HLTF: variants seen among roughly 807,000 people sequenced by gnomAD.
HLTF encodes the protein helicase like transcription factor.
In HLTF, 127 loss-of-function variants were observed where a neutral mutation model predicts 129.4. The ratio of observed to expected loss-of-function variants is 0.98; its 90% CI spans 0.85 to 1.14. HLTF has a LOEUF of 1.14. Ranked by LOEUF, HLTF falls within the 50% of genes most tolerant of loss-of-function variation. The pLI is 0.00. For synonymous variants in HLTF, 332 were observed against 388.8 expected, an observed-to-expected ratio of 0.85 and a Z score of 1.72; for missense variants, 1,139 against 1,187.1, an observed-to-expected ratio of 0.96 and a Z score of 0.60.
intron 2 of HLTF, among the ~76,000 whole-genome samples, chr3:149,076,928 TCAGTCCCATCCCCAG>T (rs1446773983): frequency 6.6e-6 from 1 of 152,108 alleles, no homozygotes; most frequent in Non-Finnish European, 1.5e-5. Flanking sequence ...TATCAGTACT[TCAGTCCCATCCCCAG>T]CAATCCTGTA....
Position 149,084,746 on chromosome 3 carries a change from ACTT to A in HLTF, c.161_163del (p.Glu54del), listed in dbSNP as rs1256672152. On this transcript the variant is annotated inframe_deletion, in exon 2 of 25. Transcript: ENST00000310053. Reference sequence around the variant, plus strand: ...CAAACTTCCAAATAAAACGGAATCTACTTCTTCATCACTAGTTAGAAAGTCATC... The same window carrying A: ...CAAACTTCCAAATAAAACGGAATCTACTTCATCACTAGTTAGAAAGTCATC... 52 of 1,613,926 alleles carry A rather than the reference ACTT, an allele frequency of 3.2e-5. No individual in the cohort carries two copies. Among genetic ancestry groups the A allele is most frequent in the Non-Finnish European group, 3.9e-5 (46 of 1,179,948 alleles).
chr3:149,069,580 T>C (rs1222881239), intron 7 of HLTF, among the ~76,000 whole-genome samples: 2 of 152,130 alleles, frequency 1.3e-5, no homozygotes, highest in Non-Finnish European at 1.5e-5. Context: ...TGTAGTGAAA[T>C]GGAAACTACA....
chr3:149,037,347 T>TAA (rs946319640), intron 23 of HLTF, among the ~76,000 whole-genome samples: 1 of 151,398 alleles, frequency 6.6e-6, no homozygotes, highest in Non-Finnish European at 1.5e-5. Context: ...CAGGTGCCTG[T>TAA]AATCCCAGCT....
intron 18 of HLTF, among the ~76,000 whole-genome samples, chr3:149,043,756 T>C (rs1716319986): frequency 6.6e-6 from 1 of 152,172 alleles, no homozygotes; most frequent in Non-Finnish European, 1.5e-5. Context: ...TGGTCATGAA[T>C]TCAAAACCTG....
intron 3 of HLTF, 87 bp from the exon 4 acceptor site, chr3:149,074,435 C>T: frequency 7.9e-7 from 1 of 1,271,350 alleles, no homozygotes; most frequent in South Asian, 1.8e-5. Context: ...TTAAGTGTAT[C>T]ATTTACATTT....
intron 7 of HLTF, 81 bp downstream of exon 7, chr3:149,071,171 T>A: frequency 1.2e-6 from 1 of 856,392 alleles, no homozygotes; most frequent in Non-Finnish European, 1.8e-6. Flanking sequence ...CATATTCCTA[T>A]CTCTTTTTAC....
chr3:149,035,018 G>A lies in HLTF; in HGVS notation c.2797-20C>T. 1.9e-6 allele frequency: 3 copies of A among 1,542,342 alleles called. No homozygotes were observed. Among genetic ancestry groups the A allele is most frequent in the Non-Finnish European group, 1.8e-6 (2 of 1,114,520 alleles). ...CCAGGCCTAACAAGAACATGGATGA[G>A]TTACTTTACTACTGCCCTGATCTTT... On this transcript the variant is annotated intron_variant, in intron 23 of 24. Transcript: ENST00000310053.
chr3:149,041,477 G>C lies in HLTF; in HGVS notation c.2376+13C>G, dbSNP rs560460855. On this transcript the variant is annotated intron_variant, in intron 20 of 24. Transcript: ENST00000310053. ...CTATCAAACACTGAACCTGTACTGA[G>C]CAAAAAACTAACCTGCTCATTCTGA... 6 of 1,605,494 alleles carry C rather than the reference G, an allele frequency of 3.7e-6. No homozygotes were observed. The African/African-American group carries it at 6.7e-5, about 18-fold the overall frequency.
At position 149,041,777 on chromosome 3, in the gene HLTF, T is replaced by A. The variant is rs1016452643; in HGVS notation, c.2198-109A>T. ...TGCCAGTAGGGAAAGTCTCTCATCA[T>A]TTTCTGCCATAGGCAAAAAGCATAA... On this transcript the variant is annotated intron_variant, in intron 19 of 24. Transcript: ENST00000310053. 18 of 739,806 alleles carry A rather than the reference T, an allele frequency of 2.4e-5. No homozygotes were observed. In the East Asian group the frequency reaches 4.3e-4, roughly 18 times the overall value. 45.8% of individuals were successfully genotyped at this position (739,806 alleles called of 1,614,324 possible). A position where few individuals can be genotyped will look rare whatever the true frequency, so the allele number is the denominator to read the frequency against.
At chr3:149,068,574 G>C (rs1252915817) in intron 7 of HLTF, among the ~76,000 whole-genome samples, 1 of 152,130 alleles carries the variant, frequency 6.6e-6, no homozygotes, top group Non-Finnish European at 1.5e-5. Flanking sequence ...TCTGAGAAGT[G>C]TCATTTTATT....
chr3:149,036,757 G>GA (rs1001689873), intron 23 of HLTF, among the ~76,000 whole-genome samples: 22 of 150,768 alleles, frequency 1.5e-4, no homozygotes, highest in African/African-American at 4.1e-4. Flanking sequence ...CTTAAAAAAA[G>GA]AAAAAAAAAT....
chr3:149,084,079 T>C (rs754115498), intron 2 of HLTF, among the ~76,000 whole-genome samples: 2 of 152,158 alleles, frequency 1.3e-5, no homozygotes, highest in African/African-American at 2.4e-5. Context: ...TGTCATTAAG[T>C]CCTTCATAAC....
chr3:149,042,357 C>A, intron 18 of HLTF, 67 bp from the exon 19 acceptor site: 1 of 1,360,294 alleles, frequency 7.4e-7, no homozygotes, highest in Non-Finnish European at 1.0e-6. Flanking sequence ...TCTAAAACAG[C>A]AGAGTAAAAT....
At chr3:149,077,275 T>G (rs1719454753) in intron 2 of HLTF, among the ~76,000 whole-genome samples, 1 of 150,128 alleles carries the variant, frequency 6.7e-6, no homozygotes, top group Non-Finnish European at 1.5e-5. Context: ...AATAAATAAA[T>G]AAATAAATAA....
chr3:149,062,911 C>A, intron 10 of HLTF: 1 of 238,252 alleles, frequency 4.2e-6, no homozygotes, highest in South Asian at 5.1e-5. Flanking sequence ...CAATTCATTT[C>A]TTTTATAGGT....
chr3:149,042,404 A>C, intron 18 of HLTF, 114 bp from the exon 19 acceptor site: 3 of 877,366 alleles, frequency 3.4e-6, no homozygotes, highest in Non-Finnish European at 3.4e-6. Context: ...TTACTCCAAA[A>C]CAAGAATGAA....
chr3:149,086,437 G>T lies in HLTF; in HGVS notation c.-101C>A. On this transcript the variant is annotated 5_prime_UTR_variant, in exon 1 of 25. Coordinates refer to ENST00000310053, the MANE Select transcript of HLTF (RefSeq NM_003071.4). Reference sequence around the variant, plus strand: ...CCAGGCCCCGCAGCCCTGAAGCCGGGGACAAATTCCGAGCGCCGGATCAGG... The same window carrying T: ...CCAGGCCCCGCAGCCCTGAAGCCGGTGACAAATTCCGAGCGCCGGATCAGG... 1 of 1,408,506 alleles carries T rather than the reference G, an allele frequency of 7.1e-7. No homozygotes were observed. The highest frequency in any genetic ancestry group is 9.8e-7 in the Non-Finnish European group (1 of 1,024,936). 87.3% of individuals were successfully genotyped at this position (1,408,506 alleles called of 1,614,324 possible).
chr3:149,051,881 G>T (rs954865742), intron 14 of HLTF, among the ~76,000 whole-genome samples: 2 of 149,772 alleles, frequency 1.3e-5, no homozygotes, highest in African/African-American at 4.9e-5. Flanking sequence ...AAAAAAGGCC[G>T]GGTGCAGTGG....
chr3:149,038,968 A>T (rs1715877249), intron 23 of HLTF, 81 bp downstream of exon 23: 1 of 753,792 alleles, frequency 1.3e-6, no homozygotes, highest in African/African-American at 1.8e-5. Flanking sequence ...TATAACTATG[A>T]AGGTATTTAC....
Sources: allele counts gnomAD v4.1 joint callset (sites outside exome capture counted in the v4.1 genomes callset), GRCh38; gene constraint gnomAD v4.1.1; transcripts MANE v1.5; gene names NCBI Gene and HGNC (gene_info 2026-07-23, HGNC 2026-07-21).